The following EXTL3 variants were observed in gnomAD, a reference collection of about 807,000 sequenced individuals.
EXTL3 encodes exostosin like glycosyltransferase 3, also known as exostosin-like 3.
A neutral mutation model predicts 69.3 loss-of-function variants in EXTL3; 27 were observed. The observed-to-expected ratio is 0.39, with a 90% CI of 0.29 to 0.54. EXTL3 has a LOEUF of 0.54. Among genes scored for constraint, EXTL3 ranks in the 20% least tolerant of loss-of-function variants. EXTL3 has a pLI of 0.69. For synonymous variants in EXTL3, 511 were observed against 499.4 expected (o/e 1.02, Z -0.31); for missense variants, 1,003 against 1,231.8 (o/e 0.81, Z 2.78).
intron 1 of EXTL3, among the ~76,000 whole-genome samples, chr8:28,643,310 G>T (rs1408441166): frequency 6.6e-6 from 1 of 152,086 alleles, no homozygotes; most frequent in Admixed American, 6.6e-5. Flanking sequence ...GAACATAATG[G>T]CTTGTCTTAG....
At chr8:28,730,638 A>G (rs982856249) in intron 3 of EXTL3, among the ~76,000 whole-genome samples, 1 of 152,244 alleles carries the variant, frequency 6.6e-6, no homozygotes, top group African/African-American at 2.4e-5. Context: ...AAGACGCAGA[A>G]GCTGTTGTAC....
chr8:28,751,119 G>A lies in EXTL3; in HGVS notation c.*253G>A. 1 of 539,100 alleles carries A rather than the reference G, an allele frequency of 1.9e-6. No homozygotes were observed. Among genetic ancestry groups the A allele is most frequent in the Non-Finnish European group, 3.4e-6 (1 of 298,084 alleles). The allele number at this position is 539,100 out of a possible 1,614,324, so 33.4% of individuals were successfully genotyped here. ...ACTGATAGCTTACACTGAGGACTGT[G>A]GCGACTCTGCAGAGTCACTCACACC... On this transcript the variant is annotated 3_prime_UTR_variant, in exon 7 of 7. Coordinates refer to ENST00000220562, the MANE Select transcript of EXTL3 (RefSeq NM_001440.4).
chr8:28,739,859 C>A (rs1221820511), intron 5 of EXTL3: 1 of 152,156 alleles, frequency 6.6e-6, no homozygotes, highest in African/African-American at 2.4e-5. Context: ...AAGAAGGAGC[C>A]ACTGATCTTA....
intron 3 of EXTL3, among the ~76,000 whole-genome samples, chr8:28,719,353 AT>A (rs1485344401): frequency 6.6e-6 from 1 of 152,202 alleles, no homozygotes; most frequent in Non-Finnish European, 1.5e-5. Flanking sequence ...ATTCCTTCTT[AT>A]CCCTTAATGT....
In EXTL3 at chr8:28,716,889, A is replaced by G. The variant is rs199663088; in HGVS notation, c.830A>G (p.Asn277Ser). 7.5e-5 allele frequency: 121 copies of G among 1,614,080 alleles called. No individual in the cohort carries two copies. The highest frequency in any genetic ancestry group is 1.6e-4 in the Middle Eastern group (1 of 6,084). Residue 277 changes from asparagine (N) to serine (S), a missense_variant, in exon 3 of 7, where the codon AAT (asparagine) becomes AGT (serine). Asn to Ser is a conservative substitution (Grantham distance 46). Transcript: ENST00000220562. The surrounding 1 kb of genome is among the most constrained non-coding windows in gnomAD (Gnocchi z 7.1). ...GATGGACACAACCATGTCATCATCA[A>G]TCTGTCACGTAAGTCAGATACACAG... ...RTDGHNHVII[N>S]LSRKSDTQNL...
chr8:28,629,754 C>G lies in EXTL3; in HGVS notation c.-53+6944C>G, dbSNP rs557923148. Among the ~76,000 whole-genome samples the G allele has an allele frequency of 1.8e-3, 269 of 152,214 alleles. 1 individual carries two copies. Among genetic ancestry groups the G allele is most frequent in the African/African-American group, 6.2e-3 (258 of 41,536 alleles). ...TCTAAGATGCAGAAGGACTGGAATC[C>G]TGTTGGTGTAACTTGCTCCGGCAGA... On this transcript the variant is annotated intron_variant, in intron 1 of 6. Coordinates refer to the EXTL3 transcript ENST00000523149.
At chr8:28,661,356 T>TATAC (rs1807112262) in intron 1 of EXTL3, among the ~76,000 whole-genome samples, 2 of 151,584 alleles carry the variant, frequency 1.3e-5, no homozygotes, top group Non-Finnish European at 2.9e-5. Flanking sequence ...TATATATATA[T>TATAC]ACACACACAC....
intron 1 of EXTL3, among the ~76,000 whole-genome samples, chr8:28,702,273 A>G (rs1205552489): frequency 6.6e-6 from 1 of 152,166 alleles, no homozygotes; most frequent in African/African-American, 2.4e-5. Context: ...CCGAGGGTCC[A>G]GGTGCTGCAG....
intron 1 of EXTL3, among the ~76,000 whole-genome samples, chr8:28,691,893 G>A (rs1242670079): frequency 2.0e-5 from 3 of 151,632 alleles, no homozygotes; most frequent in Admixed American, 6.6e-5. Flanking sequence ...GCGAAACTCC[G>A]TCTCAAAAAA....
At chr8:28,648,051 C>T (rs79693707) in intron 1 of EXTL3, among the ~76,000 whole-genome samples, 1,939 of 152,124 alleles carry the variant, frequency 0.013, 43 homozygotes, top group African/African-American at 0.044. Flanking sequence ...TTGACGCCTC[C>T]TGTACACTGC....
chr8:28,749,713 G>A lies in EXTL3; in HGVS notation c.2551-944G>A, dbSNP rs371205277. ...CATGTATGTATGTGAGTGAGTGACA[G>A]GGTCTCACTGTCACCCAGGCTGGAG... is the stretch of plus-strand genomic sequence containing the variant. On this transcript the variant is annotated intron_variant, in intron 6 of 6. Transcript: ENST00000220562. Among the ~76,000 whole-genome samples the A allele has an allele frequency of 3.9e-5, 6 of 152,124 alleles. No homozygotes were observed. The South Asian group carries it at 1.0e-3, about 26-fold the overall frequency.
chr8:28,664,136 G>A (rs187411080), intron 1 of EXTL3, among the ~76,000 whole-genome samples: 1 of 152,340 alleles, frequency 6.6e-6, no homozygotes, highest in East Asian at 1.9e-4. Flanking sequence ...GATTTGGCGG[G>A]CTGTCATGGT....
chr8:28,632,388 T>A (rs1216020943), intron 1 of EXTL3, among the ~76,000 whole-genome samples: 1 of 151,918 alleles, frequency 6.6e-6, no homozygotes, highest in Non-Finnish European at 1.5e-5. Context: ...AGAGTGAAAC[T>A]TCATTTCAAA....
intron 1 of EXTL3, among the ~76,000 whole-genome samples, chr8:28,663,936 G>A (rs557298717): frequency 6.6e-5 from 10 of 152,326 alleles, no homozygotes; most frequent in East Asian, 1.9e-4. Flanking sequence ...TTAGACAGGC[G>A]TTACGAAGTG....
chr8:28,723,020 C>T (rs538211783), intron 3 of EXTL3, among the ~76,000 whole-genome samples: 41 of 152,192 alleles, frequency 2.7e-4, no homozygotes, highest in African/African-American at 6.3e-4. Context: ...CTGGGGACTC[C>T]GCCTCTCAGG....
intron 1 of EXTL3, among the ~76,000 whole-genome samples, chr8:28,689,282 C>T (rs979023022): frequency 3.9e-5 from 6 of 152,110 alleles, no homozygotes; most frequent in South Asian, 4.1e-4. Context: ...CTTAAAATTC[C>T]GACAATAGAT....
chr8:28,634,766 CT>C (rs1347123068), intron 1 of EXTL3, among the ~76,000 whole-genome samples: 1 of 151,814 alleles, frequency 6.6e-6, no homozygotes, highest in Non-Finnish European at 1.5e-5. Flanking sequence ...AGCTAATTTT[CT>C]GTATTTTTAG....
rs558804811 is a variant in EXTL3 at position 28,715,941 on chromosome 8, G to A, written c.-119G>A. 3.8e-6 allele frequency: 3 copies of A among 779,592 alleles called. No individual in the cohort carries two copies. Among genetic ancestry groups the A allele is most frequent in the Middle Eastern group, 3.8e-4 (1 of 2,626 alleles). 48.3% of individuals were successfully genotyped at this position (779,592 alleles called of 1,614,324 possible). A position where few individuals can be genotyped will look rare whatever the true frequency, so the allele number is the denominator to read the frequency against. On this transcript the variant is annotated 5_prime_UTR_variant, in exon 3 of 7. Coordinates refer to ENST00000220562, the MANE Select transcript of EXTL3 (RefSeq NM_001440.4). ...TTCATTTTATTTGGTGCCTTGTCTG[G>A]GGAGCACACTAACTCTTCTGGAAAC...
intron 1 of EXTL3, among the ~76,000 whole-genome samples, chr8:28,709,717 G>T (rs901649524): frequency 6.6e-6 from 1 of 152,192 alleles, no homozygotes; most frequent in Non-Finnish European, 1.5e-5. Flanking sequence ...TCTGTAGGAT[G>T]GTTGTTATAT....
Sources: allele counts gnomAD v4.1 joint callset (sites outside exome capture counted in the v4.1 genomes callset), GRCh38; gene constraint gnomAD v4.1.1; non-coding constraint Gnocchi (gnomAD v3.1); transcripts MANE v1.5; gene names NCBI Gene and HGNC (gene_info 2026-07-23, HGNC 2026-07-21).